Variants in TLR1 observed in about 807,000 individuals in gnomAD.
TLR1 encodes toll like receptor 1.
Under a neutral mutation model 20.2 loss-of-function variants are expected in TLR1, and 19 were observed. That is an observed-to-expected ratio of 0.94 (90% confidence interval 0.66 to 1.38). The LOEUF is 1.38. Among genes scored for constraint, TLR1 ranks in the 40% most tolerant of loss-of-function variants. The pLI is 0.00. For synonymous variants in TLR1, 320 were observed against 334.5 expected (o/e 0.96, Z 0.47); for missense variants, 921 against 910.0 (o/e 1.01, Z -0.16).
At chr4:38,793,877 T>A (rs1725866742), downstream of TLR1, among the ~76,000 whole-genome samples, 1 of 149,574 alleles carries the variant, frequency 6.7e-6, no homozygotes, top group Admixed American at 6.6e-5. Flanking sequence ...GTAATTGGTG[T>A]CCTTATTAAA....
upstream of TLR1, chr4:38,805,270 A>G: frequency 1.3e-5 from 2 of 152,236 alleles, no homozygotes; most frequent in East Asian, 3.8e-4. Context: ...AAGATCATTC[A>G]TGTGCTGGTT....
In TLR1 at chr4:38,796,732, G is replaced by GT; in HGVS notation, c.2099dup (p.Asn700LysfsTer6). 6.2e-7 allele frequency: 1 copy of GT among 1,614,178 alleles called. No homozygotes were observed. The highest frequency in any genetic ancestry group is 1.1e-5 in the South Asian group (1 of 91,090). ...AATGGCACCATTCACTCTGGACAAA[G>GT]TTGGGAGACAAAACAAAGATGGACT... On this transcript the variant is annotated frameshift_variant, in exon 4 of 4. Transcript: ENST00000308979. LOFTEE classifies it high-confidence loss of function.
Position 38,798,103 on chromosome 4 carries a change from A to G in TLR1, c.729T>C (p.Asn243=). Residue 243 remains asparagine, a synonymous_variant, in exon 4 of 4, where the codon AAT becomes AAC. Transcript: ENST00000308979. ...FLSILAKLQT[N]PKLSNLTLNN... is the part of the protein sequence containing the mutation. ...TTAAGGTAAGATTTGATAACTTTGG[A>G]TTTGTTTGAAGTTTCGCCAGAATAC... 1.2e-6 allele frequency: 2 copies of G among 1,613,550 alleles called. No individual in the cohort carries two copies. Among genetic ancestry groups the G allele is most frequent in the African/African-American group, 1.3e-5 (1 of 75,016 alleles).
At chr4:38,789,586 C>CCAAG (rs770260705), downstream of TLR1, among the ~76,000 whole-genome samples, 7 of 152,038 alleles carry the variant, frequency 4.6e-5, no homozygotes, top group East Asian at 5.8e-4. Flanking sequence ...TTTCAGCCTC[C>CCAAG]CAAGTAGCTG....
chr4:38,790,657 TA>T (rs1217428074), downstream of TLR1: 15 of 152,136 alleles, frequency 9.9e-5, no homozygotes, highest in African/African-American at 3.4e-4. Flanking sequence ...TTTTTTTTGA[TA>T]ATGTCTTCAC....
chr4:38,799,826 C>T (rs1288245446), intron 3 of TLR1, among the ~76,000 whole-genome samples: 1 of 152,166 alleles, frequency 6.6e-6, no homozygotes, highest in South Asian at 2.1e-4. Context: ...ATTTATTCAT[C>T]CATTTATTTA....
At chr4:38,790,991 CAATT>C (rs1725703240) in exon 4 of TLR1, 1 of 152,118 alleles carries the variant, frequency 6.6e-6, no homozygotes, top group South Asian at 2.1e-4. Flanking sequence ...TTAATTTTGA[CAATT>C]AATTTTTATT....
chr4:38,798,432 CTT>C lies in TLR1; in HGVS notation c.398_399del (p.Lys133ArgfsTer22). ...TTTAGTTGAGACATATTGCCAAACTCTTTGCATATAGGCAGGGCATCAAATGC... is the reference window on the plus strand; with the variant it reads ...TTTAGTTGAGACATATTGCCAAACTCTGCATATAGGCAGGGCATCAAATGC... ...FNAFDALPIC[K>X]EFGNMSQLKF... On this transcript the variant is annotated frameshift_variant, in exon 4 of 4. Transcript: ENST00000308979. LOFTEE classifies it low-confidence loss of function (END_TRUNC). 1.9e-6 allele frequency: 3 copies of C among 1,613,692 alleles called. No individual in the cohort carries two copies. Among genetic ancestry groups the C allele is most frequent in the Non-Finnish European group, 2.5e-6 (3 of 1,179,690 alleles).
chr4:38,791,334 T>C (rs1725714040), downstream of TLR1: 1 of 152,218 alleles, frequency 6.6e-6, no homozygotes, highest in Admixed American at 6.5e-5. Context: ...GCTGCATTAA[T>C]GAGGTTGAAA....
At chr4:38,790,496 C>G (rs537348742), downstream of TLR1, among the ~76,000 whole-genome samples, 1 of 152,136 alleles carries the variant, frequency 6.6e-6, no homozygotes, top group African/African-American at 2.4e-5. Context: ...TTTTCTTTCT[C>G]TCTCTCTGGA....
At chr4:38,788,243 G>A (rs1370059228), downstream of TLR1, among the ~76,000 whole-genome samples, 5 of 151,752 alleles carry the variant, frequency 3.3e-5, no homozygotes, top group African/African-American at 1.2e-4. Context: ...TAGGATGGAA[G>A]GCAAAGAACA....
upstream of TLR1, chr4:38,805,200 A>C (rs1311139503): frequency 6.6e-6 from 1 of 152,184 alleles, no homozygotes; most frequent in Admixed American, 6.5e-5. Context: ...TCCACTATTA[A>C]AAGTGGAAAG....
At position 38,796,358 on chromosome 4, in the gene TLR1, A is replaced by C; in HGVS notation, c.*113T>G. 8.3e-7 allele frequency: 1 copy of C among 1,207,694 alleles called. No homozygotes were observed. The highest frequency in any genetic ancestry group is 1.2e-6 in the Non-Finnish European group (1 of 867,354). The allele number at this position is 1,207,694 out of a possible 1,614,324, so 74.8% of individuals were successfully genotyped here. A position where few individuals can be genotyped will look rare whatever the true frequency, so the allele number is the denominator to read the frequency against. On this transcript the variant is annotated 3_prime_UTR_variant, in exon 4 of 4. Coordinates refer to ENST00000308979, the MANE Select transcript of TLR1 (RefSeq NM_003263.4). ...CCCGAAGGTATATATTTTTACCTACATCATACACTCACAATTGTGTTTACA... is the reference window on the plus strand; with the variant it reads ...CCCGAAGGTATATATTTTTACCTACCTCATACACTCACAATTGTGTTTACA...
At chr4:38,788,745 G>A (rs977300030), downstream of TLR1, among the ~76,000 whole-genome samples, 3 of 152,154 alleles carry the variant, frequency 2.0e-5, no homozygotes, top group South Asian at 2.1e-4. Context: ...GCAGTGACTC[G>A]TGTGTAATCC....
rs1726195216 is a variant in TLR1 at position 38,797,499 on chromosome 4, G to A, written c.1333C>T (p.Pro445Ser). 4 of 1,614,038 alleles carry A rather than the reference G, an allele frequency of 2.5e-6. No homozygotes were observed. Among genetic ancestry groups the A allele is most frequent in the Admixed American group, 1.7e-5 (1 of 59,992 alleles). The change falls in exon 4 of 4, where the codon CCC becomes TCC. Residue 445 changes from proline (P) to serine (S), a missense_variant. Transcript: ENST00000308979. Reference protein sequence around the residue: ...LTDTIFRCLPPRIKVLDLHSN... With the variant: ...LTDTIFRCLPSRIKVLDLHSN... The stretch of plus-strand genomic sequence containing the variant: ...TGAAGATCAAGTACCTTGATCCTGG[G>A]AGGTAAACATCTGAAAATAGTGTCA...
At chr4:38,794,319 A>G (rs1232560280), downstream of TLR1, among the ~76,000 whole-genome samples, 1 of 152,198 alleles carries the variant, frequency 6.6e-6, no homozygotes. Flanking sequence ...CATACATTTC[A>G]TGGTTTGAAT....
At chr4:38,801,765 C>CA (rs1199481130) in intron 2 of TLR1, among the ~76,000 whole-genome samples, 1 of 152,104 alleles carries the variant, frequency 6.6e-6, no homozygotes, top group East Asian at 1.9e-4. Flanking sequence ...GCTATCATCA[C>CA]AAAAATATAT....
chr4:38,790,632 G>A (rs960057578), downstream of TLR1: 4 of 151,924 alleles, frequency 2.6e-5, no homozygotes, highest in African/African-American at 4.8e-5. Flanking sequence ...GGATTTCTCC[G>A]TCTTATTATT....
In TLR1 at chr4:38,796,918, A is replaced by G. The variant is rs200912870; in HGVS notation, c.1914T>C (p.His638=). ...CGTGCCCACTATATGAAATAAATGCATGAAACTGGAGATTTCTTTGGAGTT... is the reference window on the plus strand; with the variant it reads ...CGTGCCCACTATATGAAATAAATGCGTGAAACTGGAGATTTCTTTGGAGTT... ...LEELQRNLQF[H]AFISYSGHDS... Residue 638 remains histidine, a synonymous_variant, in exon 4 of 4, where the codon CAT becomes CAC. Transcript: ENST00000308979. The G allele has an allele frequency of 1.2e-6, 2 of 1,614,108 alleles. No individual in the cohort carries two copies. The highest frequency in any genetic ancestry group is 1.7e-6 in the Non-Finnish European group (2 of 1,180,042).
Sources: allele counts gnomAD v4.1 joint callset (sites outside exome capture counted in the v4.1 genomes callset), GRCh38; gene constraint gnomAD v4.1.1; transcripts MANE v1.5; gene names NCBI Gene and HGNC (gene_info 2026-07-23, HGNC 2026-07-21).